EMC2: variants seen among roughly 807,000 people sequenced by gnomAD.
EMC2 encodes the protein TPR repeat protein 35.
A neutral mutation model predicts 51.6 loss-of-function variants in EMC2; 37 were observed. The observed-to-expected ratio is 0.72, with a 90% CI of 0.55 to 0.94. The LOEUF (loss-of-function observed/expected upper bound fraction) is 0.94, where lower values mean the gene tolerates loss of function less well. Ranked by LOEUF, EMC2 falls within the 40% of genes least tolerant of loss-of-function variation. EMC2 has a pLI of 0.00. For synonymous variants in EMC2, 131 were observed against 112.4 expected, an observed-to-expected ratio of 1.17 and a Z score of -1.04; for missense variants, 359 against 350.9, an observed-to-expected ratio of 1.02 and a Z score of -0.18.
intron 10 of EMC2, among the ~76,000 whole-genome samples, chr8:108,482,641 G>A (rs929128787): frequency 6.6e-6 from 1 of 151,962 alleles, no homozygotes; most frequent in Non-Finnish European, 1.5e-5. Flanking sequence ...CTGGAGTGCA[G>A]TGGCATGATC....
intron 7 of EMC2, among the ~76,000 whole-genome samples, chr8:108,471,662 T>G (rs936207327): frequency 1.3e-5 from 2 of 151,962 alleles, no homozygotes; most frequent in Admixed American, 1.3e-4. Context: ...TTGAATGGCT[T>G]TATATTATTT....
At position 108,477,652 on chromosome 8, in the gene EMC2, A is replaced by C. The variant is rs189542937; in HGVS notation, c.702+760A>C. Among the ~76,000 whole-genome samples, 10 of 152,198 alleles carry C rather than the reference A, an allele frequency of 6.6e-5. No individual in the cohort carries two copies. In the East Asian group the frequency reaches 1.5e-3, roughly 23 times the overall value. ...AAAAGGAATGGCAAAATATGGTTAG[A>C]AGGTGGTTCAAATGAATTTCAAGAA... On this transcript the variant is annotated intron_variant, in intron 9 of 10. Transcript: ENST00000220853.
At chr8:108,478,471 G>A (rs955527352) in intron 9 of EMC2, among the ~76,000 whole-genome samples, 104 of 152,044 alleles carry the variant, frequency 6.8e-4, no homozygotes, top group Admixed American at 9.2e-4. Flanking sequence ...TCTTTATTTC[G>A]AAGACCCATT....
chr8:108,469,904 C>G lies in EMC2; in HGVS notation c.442C>G (p.Leu148Val). ...VEAIRELNEYLEQFVGDQEAW... is the reference protein window; with the variant it reads ...VEAIRELNEYVEQFVGDQEAW... ...GGCCATTCGGGAGCTGAATGAGTAT[C>G]TGGAACAGTGAGTATTTTACAAGAG... is the stretch of plus-strand genomic sequence containing the variant. Residue 148 changes from leucine to valine, a missense_variant, in exon 6 of 11, where the codon CTG (leucine) becomes GTG (valine). Leu to Val is a conservative substitution (Grantham distance 32). Transcript: ENST00000220853. 6 of 1,610,360 alleles carry G rather than the reference C, an allele frequency of 3.7e-6. No homozygotes were observed. The highest frequency in any genetic ancestry group is 5.1e-6 in the Non-Finnish European group (6 of 1,176,766).
intron 5 of EMC2, among the ~76,000 whole-genome samples, chr8:108,467,802 A>C (rs967111974): frequency 2.6e-5 from 4 of 152,234 alleles, no homozygotes; most frequent in Non-Finnish European, 4.4e-5. Context: ...TAAATATCAA[A>C]TAAAGCAAGT....
chr8:108,468,961 C>T (rs1262430196), intron 5 of EMC2, among the ~76,000 whole-genome samples: 1 of 152,044 alleles, frequency 6.6e-6, no homozygotes, highest in Non-Finnish European at 1.5e-5. Context: ...TCTACTTACT[C>T]TTTGTTTCAG....
intron 5 of EMC2, among the ~76,000 whole-genome samples, chr8:108,457,629 ACT>A (rs1487042404): frequency 6.6e-6 from 1 of 151,724 alleles, no homozygotes; most frequent in African/African-American, 2.4e-5. Context: ...ACTATCAGAG[ACT>A]CTTTCACTAT....
rs773404816 is a variant in EMC2 at position 108,450,470 on chromosome 8, A to G, written c.197A>G (p.Tyr66Cys). Reference protein sequence around the residue: ...YEQVMIAALDYGRDDLALFCL... With the variant: ...YEQVMIAALDCGRDDLALFCL... Reference sequence around the variant, plus strand: ...CAGGTGATGATTGCAGCACTAGACTATGGTCGGGATGACTTGGCATTGGTA... The same window carrying G: ...CAGGTGATGATTGCAGCACTAGACTGTGGTCGGGATGACTTGGCATTGGTA... The change falls in exon 3 of 11, where the codon TAT (tyrosine) becomes TGT (cysteine). Residue 66 changes from tyrosine (Y) to cysteine (C), a missense_variant. By Grantham distance (194) the Tyr-to-Cys change is radical (BLOSUM62 -2). Transcript: ENST00000220853. 7 of 1,596,232 alleles carry G rather than the reference A, an allele frequency of 4.4e-6. No homozygotes were observed. The highest frequency in any genetic ancestry group is 2.2e-5 in the East Asian group (1 of 44,698).
intron 10 of EMC2, among the ~76,000 whole-genome samples, chr8:108,484,359 A>G (rs1308210144): frequency 6.6e-6 from 1 of 152,056 alleles, no homozygotes; most frequent in African/African-American, 2.4e-5. Flanking sequence ...ATTTGAAGTG[A>G]TAGATTTGTA....
At chr8:108,464,220 A>G (rs2130374370) in intron 5 of EMC2, 1 of 152,300 alleles carries the variant, frequency 6.6e-6, no homozygotes. Flanking sequence ...GTCAGAATAC[A>G]TCCATTTGAT....
intron 3 of EMC2, 77 bp downstream of exon 3, chr8:108,450,569 A>G: frequency 1.2e-6 from 1 of 866,252 alleles, no homozygotes; most frequent in Non-Finnish European, 2.0e-6. Flanking sequence ...TGTATGGCTT[A>G]TATGGAATGC....
intron 1 of EMC2, among the ~76,000 whole-genome samples, chr8:108,449,128 T>C (rs1247919724): frequency 6.6e-6 from 1 of 152,184 alleles, no homozygotes; most frequent in Non-Finnish European, 1.5e-5. Flanking sequence ...TTTCAACCTT[T>C]AAGAGACAGG....
intron 5 of EMC2, among the ~76,000 whole-genome samples, chr8:108,460,916 CT>C (rs1819303920): frequency 6.6e-6 from 1 of 152,114 alleles, no homozygotes; most frequent in South Asian, 2.1e-4. Context: ...TTGAATACCT[CT>C]CATGAACCAT....
At chr8:108,444,331 C>T (rs572551966) in intron 1 of EMC2, among the ~76,000 whole-genome samples, 2 of 152,270 alleles carry the variant, frequency 1.3e-5, no homozygotes, top group Admixed American at 6.5e-5. Flanking sequence ...GGAAAAATAA[C>T]TAATTAACTC....
chr8:108,477,372 G>A (rs983488567), intron 9 of EMC2, among the ~76,000 whole-genome samples: 1 of 151,948 alleles, frequency 6.6e-6, no homozygotes, highest in Non-Finnish European at 1.5e-5. Context: ...TATTGTTTAG[G>A]TATGCCAAAT....
rs1818927119 is a variant in EMC2, at chr8:108,448,209, T to A, written c.41-1614T>A. On this transcript the variant is annotated intron_variant, in intron 1 of 10. Coordinates refer to ENST00000220853, the MANE Select transcript of EMC2 (RefSeq NM_014673.5). ...TAATCTTAACTGCTCATCCCTGAGC[T>A]AAAGGTAATATTATCTCTATTCATT... Among the ~76,000 whole-genome samples the A allele has an allele frequency of 3.9e-5, 6 of 152,332 alleles. No homozygotes were observed. The Middle Eastern group carries it at 0.014, about 345-fold the overall frequency.
At chr8:108,483,665 A>G (rs997997691) in intron 10 of EMC2, among the ~76,000 whole-genome samples, 1 of 152,058 alleles carries the variant, frequency 6.6e-6, no homozygotes, top group Non-Finnish European at 1.5e-5. Flanking sequence ...TGAATCACTG[A>G]CCTCTGAATT....
At chr8:108,469,575 G>T (rs1810809358) in intron 5 of EMC2, among the ~76,000 whole-genome samples, 1 of 152,080 alleles carries the variant, frequency 6.6e-6, no homozygotes, top group Non-Finnish European at 1.5e-5. Flanking sequence ...TCAGAATCTG[G>T]ATGATTATTT....
In EMC2 at chr8:108,463,050, G is replaced by GTT. The variant is rs1378530008; in HGVS notation, c.364-6776_364-6775insTT. ...TCCTCCTCCTCTTATTTACTTCTGA[G>GTT]GAAGACAGTATTTTATACCTCTGAG... On this transcript the variant is annotated intron_variant, in intron 5 of 10. Transcript: ENST00000220853. Among the ~76,000 whole-genome samples, 8 of 152,050 alleles carry GTT rather than the reference G, an allele frequency of 5.3e-5. No homozygotes were observed. The East Asian group carries it at 9.6e-4, about 18-fold the overall frequency.
Sources: gnomAD v4.1 joint callset for allele counts (sites outside exome capture counted in the v4.1 genomes callset) on GRCh38, gnomAD v4.1.1 for gene constraint, MANE v1.5 for transcripts, NCBI Gene and HGNC (gene_info 2026-07-23, HGNC 2026-07-21) for gene names.